The following LRRIQ1 variants were observed in gnomAD, a reference collection of about 807,000 sequenced individuals.
LRRIQ1 encodes leucine-rich repeat- and IQ domain-containing protein 1.
LRRIQ1 carries 210 observed loss-of-function variants against 211.9 expected under a neutral mutation model. That is an observed-to-expected ratio of 0.99 (90% confidence interval 0.89 to 1.11). The LOEUF is 1.11. Ranked by LOEUF, LRRIQ1 falls within the 50% of genes most tolerant of loss-of-function variation. LRRIQ1 has a pLI of 0.00. For missense variants in LRRIQ1, 2,136 were observed against 1,939.5 expected (o/e 1.10, Z -1.90); for synonymous variants, 699 against 650.1 (o/e 1.08, Z -1.14).
At chr12:85,139,809 T>G (rs922729613) in intron 19 of LRRIQ1, among the ~76,000 whole-genome samples, 3 of 151,428 alleles carry the variant, frequency 2.0e-5, no homozygotes, top group African/African-American at 4.8e-5. Context: ...GTTAGGAAAC[T>G]GCTTTTTTGG....
chr12:85,047,434 T>C lies in LRRIQ1; in HGVS notation c.642T>C (p.Phe214=). 1 of 1,613,020 alleles carries C rather than the reference T, an allele frequency of 6.2e-7. No homozygotes were observed. The highest frequency in any genetic ancestry group is 8.5e-7 in the Non-Finnish European group (1 of 1,179,578). The change falls in exon 6 of 27, where the codon TTT becomes TTC. Residue 214 remains phenylalanine (F), a synonymous_variant. Transcript: ENST00000393217. ...AGCGACATTGCTGGATGAAACAATT[T>C]AAAGTTGAAAAGAAGAAATTAGAGA... The part of the protein sequence containing the change: ...EEKRHCWMKQ[F]KVEKKKLENI...
At chr12:85,264,551 TATC>T (rs1896383579), downstream of LRRIQ1, 1 of 152,098 alleles carries the variant, frequency 6.6e-6, no homozygotes, top group Non-Finnish European at 1.5e-5. Context: ...TGCTCAAACT[TATC>T]ATTTTGTAGC....
At chr12:85,205,540 C>G (rs539263873) in intron 24 of LRRIQ1, among the ~76,000 whole-genome samples, 1 of 152,180 alleles carries the variant, frequency 6.6e-6, no homozygotes, top group African/African-American at 2.4e-5. Flanking sequence ...TTTTCTCTTT[C>G]ATTTTAACCT....
In LRRIQ1 at chr12:85,166,677, T is replaced by C. The variant is rs146818974; in HGVS notation, c.4822+5963T>C. Among the ~76,000 whole-genome samples the C allele has an allele frequency of 1.5e-4, 23 of 152,344 alleles. No individual in the cohort carries two copies. The East Asian group carries it at 3.9e-3, about 26-fold the overall frequency. ...TACTTGCTAATAGTGCCAATGACTA[T>C]GTATTAAGAGATGGCAGCATAAATG... On this transcript the variant is annotated intron_variant, in intron 24 of 26. Transcript: ENST00000393217.
At chr12:85,232,854 TCA>T in intron 26 of LRRIQ1, 98 bp downstream of exon 26, 2 of 810,122 alleles carry the variant, frequency 2.5e-6, no homozygotes, top group Non-Finnish European at 4.2e-6. Flanking sequence ...TATGAAAATA[TCA>T]CAACTGTATC....
Position 85,092,186 on chromosome 12 carries a change from T to C in LRRIQ1, c.2888-6169T>C, listed in dbSNP as rs553884644. Among the ~76,000 whole-genome samples, 3 of 152,302 alleles carry C rather than the reference T, an allele frequency of 2.0e-5. No individual in the cohort carries two copies. The South Asian group carries it at 6.2e-4, about 32-fold the overall frequency. On this transcript the variant is annotated intron_variant, in intron 11 of 26. Transcript: ENST00000393217. ...CAAATCAGTTGCTTACAGAATCATATAAAAACCCCATCAGTGAGTGGCAAG... is the reference window on the plus strand; with the variant it reads ...CAAATCAGTTGCTTACAGAATCATACAAAAACCCCATCAGTGAGTGGCAAG...
At chr12:85,204,815 C>T (rs1482453642) in intron 24 of LRRIQ1, among the ~76,000 whole-genome samples, 1 of 152,094 alleles carries the variant, frequency 6.6e-6, no homozygotes, top group African/African-American at 2.4e-5. Flanking sequence ...TCAGATGAGA[C>T]TTTGGACTGT....
chr12:85,113,909 G>T (rs1388561436), intron 15 of LRRIQ1, among the ~76,000 whole-genome samples: 47 of 77,338 alleles, frequency 6.1e-4, no homozygotes, highest in South Asian at 2.3e-3. Context: ...AATGAGTTTT[G>T]TGTGTGTGTG....
chr12:85,257,340 TG>T (rs1896149222), intron 1 of LRRIQ1, among the ~76,000 whole-genome samples: 2 of 147,706 alleles, frequency 1.4e-5, no homozygotes, highest in Admixed American at 1.4e-4. Flanking sequence ...GTAAATATAA[TG>T]AAACTGAATA....
intron 24 of LRRIQ1, among the ~76,000 whole-genome samples, chr12:85,169,289 AG>A (rs1891298110): frequency 6.6e-6 from 1 of 152,160 alleles, no homozygotes; most frequent in African/African-American, 2.4e-5. Context: ...GTAGGGAGAG[AG>A]GAACCTGGAG....
intron 25 of LRRIQ1, among the ~76,000 whole-genome samples, chr12:85,232,473 A>T (rs1319399918): frequency 6.6e-6 from 1 of 152,172 alleles, no homozygotes; most frequent in East Asian, 1.9e-4. Flanking sequence ...GAAGAGTGGT[A>T]TTGAAGTGTT....
intron 18 of LRRIQ1, among the ~76,000 whole-genome samples, chr12:85,133,821 A>T (rs1002221949): frequency 6.6e-6 from 1 of 152,156 alleles, no homozygotes; most frequent in Admixed American, 6.6e-5. Flanking sequence ...TTAACATTGA[A>T]TGACTCAAGT....
intron 24 of LRRIQ1, among the ~76,000 whole-genome samples, chr12:85,214,478 A>G (rs2137086814): frequency 6.6e-6 from 1 of 152,266 alleles, no homozygotes; most frequent in Admixed American, 6.5e-5. Context: ...TAAGACAGTG[A>G]ATATCATGTG....
At chr12:85,149,624 A>G (rs765929289) in intron 19 of LRRIQ1, among the ~76,000 whole-genome samples, 33 of 151,802 alleles carry the variant, frequency 2.2e-4, no homozygotes, top group Non-Finnish European at 4.0e-4. Flanking sequence ...CTCCTAGCCA[A>G]TTCCTCCTGA....
rs1369823442 is a variant in LRRIQ1, at chr12:85,153,123, G to C, written c.4519G>C (p.Glu1507Gln). 6.3e-7 allele frequency: 1 copy of C among 1,587,226 alleles called. No individual in the cohort carries two copies. Among genetic ancestry groups the C allele is most frequent in the East Asian group, 2.3e-5 (1 of 43,322 alleles). ...CNDKENLSSS[E>Q]HTQFNSRSEN... Reference sequence around the variant, plus strand: ...TGACAAAGAAAATTTGTCTTCTTCAGAACACACACAATTTAATAGCAGGTA... The same window carrying C: ...TGACAAAGAAAATTTGTCTTCTTCACAACACACACAATTTAATAGCAGGTA... Residue 1507 changes from glutamate (E) to glutamine (Q), a missense_variant, in exon 21 of 27, where the codon GAA becomes CAA. Transcript: ENST00000393217.
intron 24 of LRRIQ1, among the ~76,000 whole-genome samples, chr12:85,221,702 T>C (rs1222076695): frequency 1.3e-5 from 2 of 152,058 alleles, no homozygotes; most frequent in Non-Finnish European, 2.9e-5. Flanking sequence ...AAGAGAACAT[T>C]TGGGGTAACT....
intron 24 of LRRIQ1, among the ~76,000 whole-genome samples, chr12:85,166,812 G>A (rs1226601818): frequency 6.6e-6 from 1 of 152,162 alleles, no homozygotes; most frequent in African/African-American, 2.4e-5. Context: ...AATTATCATG[G>A]ATGCAAAGAT....
At chr12:85,042,696 AAAC>A (rs1250983364) in intron 3 of LRRIQ1, among the ~76,000 whole-genome samples, 3 of 151,586 alleles carry the variant, frequency 2.0e-5, no homozygotes, top group African/African-American at 7.2e-5. Flanking sequence ...TTTTTCAAGA[AAAC>A]AAATTATCAA....
At chr12:85,096,300 T>A (rs1367985837) in intron 11 of LRRIQ1, among the ~76,000 whole-genome samples, 1 of 152,170 alleles carries the variant, frequency 6.6e-6, no homozygotes, top group Non-Finnish European at 1.5e-5. Context: ...AGGCATTTAG[T>A]GCTATAAACT....
Sources: gnomAD v4.1 joint callset for allele counts (sites outside exome capture counted in the v4.1 genomes callset) on GRCh38, gnomAD v4.1.1 for gene constraint, MANE v1.5 for transcripts, NCBI Gene and HGNC (gene_info 2026-07-23, HGNC 2026-07-21) for gene names.